DOCK8: variants seen among roughly 807,000 people sequenced by gnomAD.
The protein encoded by DOCK8 is dedicator of cytokinesis protein 8.
DOCK8 carries 141 observed loss-of-function variants against 245.6 expected under a neutral mutation model. That is an observed-to-expected ratio of 0.57 (90% confidence interval 0.50 to 0.66). DOCK8 has a LOEUF of 0.66. DOCK8 is among the 30% of genes least tolerant of loss of function. The pLI is 0.00. For synonymous variants in DOCK8, 1,168 were observed against 970.2 expected, an observed-to-expected ratio of 1.20 and a Z score of -3.79; for missense variants, 2,965 against 2,603.4, an observed-to-expected ratio of 1.14 and a Z score of -3.02.
At chr9:449,452 C>T (rs918086755) in intron 44 of DOCK8, among the ~76,000 whole-genome samples, 4 of 152,170 alleles carry the variant, frequency 2.6e-5, no homozygotes, top group Non-Finnish European at 1.5e-5. Context: ...GATAGACATA[C>T]TTGTGATCGA....
intron 20 of DOCK8, among the ~76,000 whole-genome samples, chr9:377,737 C>A (rs1407556593): frequency 6.6e-6 from 1 of 152,210 alleles, no homozygotes; most frequent in African/African-American, 2.4e-5. Context: ...TTCATCACCT[C>A]CAAATAAAAC....
intron 24 of DOCK8, among the ~76,000 whole-genome samples, chr9:393,327 GTTGGCATACCAA>G (rs2054291979): frequency 1.3e-5 from 2 of 152,086 alleles, no homozygotes; most frequent in African/African-American, 4.8e-5. Flanking sequence ...CATACCAATA[GTTGGCATACCAA>G]TGGGAGAAAG....
At chr9:438,479 C>T (rs2056977458) in intron 39 of DOCK8, among the ~76,000 whole-genome samples, 1 of 152,142 alleles carries the variant, frequency 6.6e-6, no homozygotes, top group Non-Finnish European at 1.5e-5. Flanking sequence ...GATTCTTGAC[C>T]TGTCACATAT....
Position 292,341 on chromosome 9 carries a change from C to T in DOCK8, c.404+2760C>T, listed in dbSNP as rs543382983. ...GGCAGAGGTTGTGGTGAGCCAAGAT[C>T]GCGCCATTGCACTCCAGCCTGGGCA... On this transcript the variant is annotated intron_variant, in intron 4 of 47. Coordinates refer to ENST00000432829, the MANE Select transcript of DOCK8 (RefSeq NM_203447.4). Among the ~76,000 whole-genome samples the T allele has an allele frequency of 3.0e-5, 4 of 133,134 alleles. No individual in the cohort carries two copies. In the South Asian group the frequency reaches 1.0e-3, roughly 34 times the overall value. The allele number at this position is 133,134 out of a possible 152,430, so 87.3% of individuals were successfully genotyped here.
Position 433,922 on chromosome 9 carries a change from G to A in DOCK8, c.4833G>A (p.Val1611=). 6.2e-7 allele frequency: 1 copy of A among 1,614,120 alleles called. No homozygotes were observed. Among genetic ancestry groups the A allele is most frequent in the African/African-American group, 1.3e-5 (1 of 75,034 alleles). Residue 1611 remains valine (V), a synonymous_variant, in exon 38 of 48, where the codon GTG becomes GTA. Transcript: ENST00000432829. The part of the protein sequence containing the change: ...CNLNSILYDT[V]KMREFQEDPE... The stretch of plus-strand genomic sequence containing the variant: ...TGAATAGCATCTTATATGACACAGT[G>A]AAAATGAGGGAATTTCAGGAAGATC...
At chr9:388,419 A>G (rs1445672237) in intron 23 of DOCK8, among the ~76,000 whole-genome samples, 2 of 152,200 alleles carry the variant, frequency 1.3e-5, no homozygotes, top group African/African-American at 4.8e-5. Flanking sequence ...CTGGGATCTA[A>G]TTGGTTAAAA....
intron 4 of DOCK8, among the ~76,000 whole-genome samples, chr9:304,087 T>G (rs184086026): frequency 2.0e-5 from 3 of 152,236 alleles, no homozygotes; most frequent in Non-Finnish European, 4.4e-5. Context: ...AGAGTGGAGA[T>G]TGAGGATGTT....
rs754422951 is a variant in DOCK8 at position 358,289 on chromosome 9, A to G, written c.1680-9729A>G. 4.6e-5 allele frequency among the ~76,000 whole-genome samples: 7 copies of G among 152,168 alleles called. No homozygotes were observed. In the South Asian group the frequency reaches 6.2e-4, roughly 14 times the overall value. ...TCTGTTGTACAGATGGGGTCTCACT[A>G]TGTTCCCCAGGCTAGGCTAGTCTCG... is the stretch of plus-strand genomic sequence containing the variant. On this transcript the variant is annotated intron_variant, in intron 14 of 47. Coordinates refer to ENST00000432829, the MANE Select transcript of DOCK8 (RefSeq NM_203447.4).
chr9:454,543 G>A (rs2057573108), intron 46 of DOCK8: 4 of 152,130 alleles, frequency 2.6e-5, no homozygotes, highest in Admixed American at 2.6e-4. Flanking sequence ...GACTCTGTCA[G>A]GAATGCCTGT....
intron 1 of DOCK8, among the ~76,000 whole-genome samples, chr9:270,440 G>A (rs2048134697): frequency 1.3e-5 from 2 of 152,152 alleles, no homozygotes; most frequent in Non-Finnish European, 2.9e-5. Flanking sequence ...ATGAGTGTTG[G>A]CATCTTGAAA....
chr9:390,629 A>C (rs1321062079), intron 24 of DOCK8, 63 bp downstream of exon 24: 1 of 1,535,486 alleles, frequency 6.5e-7, no homozygotes, highest in Non-Finnish European at 9.0e-7. Context: ...AGCAGAAAGG[A>C]ATTGACATTT....
At chr9:238,745 C>G (rs1224290491) in intron 1 of DOCK8, among the ~76,000 whole-genome samples, 2 of 152,128 alleles carry the variant, frequency 1.3e-5, no homozygotes, top group African/African-American at 2.4e-5. Context: ...TAAATAAAGA[C>G]CAAAAGACTC....
intron 14 of DOCK8, among the ~76,000 whole-genome samples, chr9:363,537 A>G (rs2052833002): frequency 6.6e-6 from 1 of 152,244 alleles, no homozygotes; most frequent in Non-Finnish European, 1.5e-5. Context: ...AAACATGCAG[A>G]TTTAACAAAA....
intron 24 of DOCK8, among the ~76,000 whole-genome samples, chr9:392,109 G>C (rs185553526): frequency 6.7e-6 from 1 of 149,806 alleles, no homozygotes; most frequent in Admixed American, 6.7e-5. Flanking sequence ...TTGCACTGCA[G>C]CCTGGGCAAA....
chr9:377,006 C>A lies in DOCK8; in HGVS notation c.2235C>A (p.Leu745=). ...QDNHLEKFFT[L]CHSLESQVTF... ...ACCACCTGGAGAAGTTCTTCACCCT[C>A]TGCCACTCCCTGGAGAGCCAGGTGA... Residue 745 remains leucine (L), a synonymous_variant, in exon 20 of 48, where the codon CTC becomes CTA. Coordinates refer to ENST00000432829, the MANE Select transcript of DOCK8 (RefSeq NM_203447.4). 6.2e-7 allele frequency: 1 copy of A among 1,614,086 alleles called. No homozygotes were observed.
At chr9:364,487 G>T (rs1476434347) in intron 14 of DOCK8, among the ~76,000 whole-genome samples, 1 of 151,762 alleles carries the variant, frequency 6.6e-6, no homozygotes, top group African/African-American at 2.4e-5. Context: ...TTAAAAATTA[G>T]CCAGGTGGTC....
chr9:340,106 C>G, intron 13 of DOCK8, 53 bp from the exon 14 acceptor site: 1 of 1,577,550 alleles, frequency 6.3e-7, no homozygotes, highest in Non-Finnish European at 8.7e-7. Context: ...TTTCTTGATT[C>G]CCTCATAACA....
At chr9:363,099 C>G (rs1251592750) in intron 14 of DOCK8, among the ~76,000 whole-genome samples, 1 of 152,114 alleles carries the variant, frequency 6.6e-6, no homozygotes, top group Non-Finnish European at 1.5e-5. Context: ...AGTTTGTAAT[C>G]AAGAAAAGCC....
At chr9:450,054 C>T in intron 45 of DOCK8, 127 bp downstream of exon 45, 1 of 1,071,782 alleles carries the variant, frequency 9.3e-7, no homozygotes, top group Non-Finnish European at 1.3e-6. Flanking sequence ...AATGTTCCTA[C>T]ACTTAACCTG....
Sources: allele counts gnomAD v4.1 joint callset (sites outside exome capture counted in the v4.1 genomes callset), GRCh38; gene constraint gnomAD v4.1.1; transcripts MANE v1.5; gene names NCBI Gene and HGNC (gene_info 2026-07-23, HGNC 2026-07-21).